The following TMPRSS11E variants were observed in gnomAD, a reference collection of about 807,000 sequenced individuals.
TMPRSS11E encodes the protein transmembrane serine protease 11E, also known as transmembrane protease serine 11E.
Under a neutral mutation model 48.1 loss-of-function variants are expected in TMPRSS11E, and 38 were observed. The ratio of observed to expected loss-of-function variants is 0.79; its 90% CI spans 0.61 to 1.04. The LOEUF (loss-of-function observed/expected upper bound fraction) is 1.04. Ranked by LOEUF, TMPRSS11E falls within the 50% of genes least tolerant of loss-of-function variation. TMPRSS11E has a pLI of 0.00. For synonymous variants in TMPRSS11E, 158 were observed against 171.9 expected (o/e 0.92, Z 0.63); for missense variants, 530 against 510.8 (o/e 1.04, Z -0.36).
intron 1 of TMPRSS11E, among the ~76,000 whole-genome samples, chr4:68,453,779 G>A (rs1288141951): frequency 6.6e-6 from 1 of 151,936 alleles, no homozygotes; most frequent in East Asian, 1.9e-4. Flanking sequence ...TCCGTTTAAT[G>A]TGAAACAATT....
intron 9 of TMPRSS11E, among the ~76,000 whole-genome samples, chr4:68,491,029 G>T (rs931305307): frequency 6.6e-6 from 1 of 151,816 alleles, no homozygotes; most frequent in Non-Finnish European, 1.5e-5. Context: ...AACGTGCTGG[G>T]ATTACGAGTG....
intron 1 of TMPRSS11E, among the ~76,000 whole-genome samples, chr4:68,448,876 G>T (rs1405832414): frequency 6.6e-6 from 1 of 151,712 alleles, no homozygotes; most frequent in Non-Finnish European, 1.5e-5. Flanking sequence ...GCATGTACTA[G>T]AGCAAAAAAG....
At chr4:68,451,051 G>A (rs537783622) in intron 1 of TMPRSS11E, among the ~76,000 whole-genome samples, 4 of 151,962 alleles carry the variant, frequency 2.6e-5, no homozygotes, top group East Asian at 1.9e-4. Context: ...TAGCAGTGTC[G>A]TGTGTTTCCG....
intron 6 of TMPRSS11E, among the ~76,000 whole-genome samples, chr4:68,475,504 T>A (rs1019305989): frequency 5.9e-5 from 9 of 152,202 alleles, no homozygotes; most frequent in African/African-American, 2.2e-4. Flanking sequence ...ATTACCTAAA[T>A]AGCATATATT....
chr4:68,455,650 A>G (rs1394377652), intron 1 of TMPRSS11E, among the ~76,000 whole-genome samples: 3 of 151,974 alleles, frequency 2.0e-5, no homozygotes, highest in Non-Finnish European at 2.9e-5. Context: ...GAGTGTCTCT[A>G]GCTCAGGTTT....
chr4:68,478,451 C>CTTTTTT (rs377068765), intron 8 of TMPRSS11E, among the ~76,000 whole-genome samples: 4,730 of 73,484 alleles, frequency 0.064, 388 homozygotes, highest in African/African-American at 0.088. Flanking sequence ...GTATCCCCCG[C>CTTTTTT]TTTTTTTTTT....
chr4:68,467,900 T>C (rs566850497), intron 3 of TMPRSS11E, among the ~76,000 whole-genome samples: 1 of 152,288 alleles, frequency 6.6e-6, no homozygotes, highest in South Asian at 2.1e-4. Flanking sequence ...TTCATTCAAA[T>C]AAATTTTATT....
chr4:68,456,347 C>T (rs1306726872), intron 1 of TMPRSS11E, among the ~76,000 whole-genome samples: 1 of 151,948 alleles, frequency 6.6e-6, no homozygotes, highest in East Asian at 1.9e-4. Context: ...TCAGCCCAAG[C>T]GCCTGGCTGA....
At chr4:68,488,050 C>G (rs188140036) in intron 9 of TMPRSS11E, among the ~76,000 whole-genome samples, 1 of 152,012 alleles carries the variant, frequency 6.6e-6, no homozygotes, top group Non-Finnish European at 1.5e-5. Flanking sequence ...GATATCACCC[C>G]CTTTGTATGT....
chr4:68,471,609 C>A lies in TMPRSS11E; in HGVS notation c.476C>A (p.Ser159Ter). ...AVGPPKVDPH[S>*]VKIKKINKTE... ...GGACCCCCTAAAGTAGATCCTCACT[C>A]AGTTAAAATTAAAAGTAAGTTAATT... The change falls in exon 5 of 10, where the codon TCA becomes TAA. Residue 159 changes from serine to a stop codon, truncating the protein, a stop_gained. Coordinates refer to ENST00000305363, the MANE Select transcript of TMPRSS11E (RefSeq NM_014058.4). LOFTEE classifies it high-confidence loss of function. 1 of 1,584,928 alleles carries A rather than the reference C, an allele frequency of 6.3e-7. No homozygotes were observed. The highest frequency in any genetic ancestry group is 2.3e-5 in the East Asian group (1 of 44,134).
intron 9 of TMPRSS11E, among the ~76,000 whole-genome samples, chr4:68,487,329 T>C (rs940476995): frequency 5.9e-5 from 9 of 152,032 alleles, no homozygotes; most frequent in East Asian, 1.9e-4. Flanking sequence ...CTGAGCTCAC[T>C]ACATCCTCTA....
At position 68,477,459 on chromosome 4, in the gene TMPRSS11E, T is replaced by C. The variant is rs773107677; in HGVS notation, c.798T>C (p.His266=). The part of the protein sequence containing the change: ...MKRGLRRIIV[H]EKYKHPSHDY... ...GGGGTCTCCGGAGAATAATTGTCCATGAAAAATACAAACACCCATCACATG... is the reference window on the plus strand; with the variant it reads ...GGGGTCTCCGGAGAATAATTGTCCACGAAAAATACAAACACCCATCACATG... Residue 266 remains histidine, a synonymous_variant, in exon 8 of 10, where the codon CAT becomes CAC. Coordinates refer to ENST00000305363, the MANE Select transcript of TMPRSS11E (RefSeq NM_014058.4). 6.2e-7 allele frequency: 1 copy of C among 1,614,052 alleles called. No homozygotes were observed. Among genetic ancestry groups the C allele is most frequent in the Non-Finnish European group, 8.5e-7 (1 of 1,179,970 alleles).
chr4:68,487,792 T>A (rs1020450665), intron 9 of TMPRSS11E, among the ~76,000 whole-genome samples: 2 of 151,770 alleles, frequency 1.3e-5, no homozygotes, highest in African/African-American at 4.8e-5. Context: ...AATACAAAAA[T>A]TAGCCAGGCA....
At chr4:68,463,200 TA>T (rs1728840763) in intron 2 of TMPRSS11E, among the ~76,000 whole-genome samples, 1 of 152,184 alleles carries the variant, frequency 6.6e-6, no homozygotes, top group Non-Finnish European at 1.5e-5. Context: ...CTGGATAGTT[TA>T]AAAAAATATT....
At chr4:68,456,343 C>T (rs1560546631) in intron 1 of TMPRSS11E, among the ~76,000 whole-genome samples, 1 of 151,958 alleles carries the variant, frequency 6.6e-6, no homozygotes, top group South Asian at 2.1e-4. Flanking sequence ...TGATTCAGCC[C>T]AAGCGCCTGG....
At position 68,457,695 on chromosome 4, in the gene TMPRSS11E, A is replaced by G. The variant is rs1728671812; in HGVS notation, c.12-4126A>G. On this transcript the variant is annotated intron_variant, in intron 1 of 9. Transcript: ENST00000305363. ...TTATACGTATCTCATTTCTTCTTCA[A>G]TGATAGACTGGATAAAGAAAACATG... Among the ~76,000 whole-genome samples, 6 of 152,102 alleles carry G rather than the reference A, an allele frequency of 3.9e-5. No individual in the cohort carries two copies. The South Asian group carries it at 1.2e-3, about 32-fold the overall frequency.
intron 1 of TMPRSS11E, among the ~76,000 whole-genome samples, chr4:68,452,435 T>A (rs1728522867): frequency 6.6e-6 from 1 of 151,990 alleles, no homozygotes; most frequent in African/African-American, 2.4e-5. Flanking sequence ...ACATATGTTT[T>A]CTCATTTGGT....
At chr4:68,474,630 A>G (rs949382650) in intron 5 of TMPRSS11E, 93 bp from the exon 6 acceptor site, 27 of 1,182,172 alleles carry the variant, frequency 2.3e-5, no homozygotes, top group Non-Finnish European at 2.8e-5. Flanking sequence ...CTGTTTTATA[A>G]TAAAATTAAG....
At chr4:68,465,986 A>G (rs1277161556) in intron 2 of TMPRSS11E, among the ~76,000 whole-genome samples, 1 of 152,146 alleles carries the variant, frequency 6.6e-6, no homozygotes, top group Admixed American at 6.6e-5. Context: ...GTGGCTAAGG[A>G]GCAGACAAGC....
Sources: gnomAD v4.1 joint callset for allele counts (sites outside exome capture counted in the v4.1 genomes callset) on GRCh38, gnomAD v4.1.1 for gene constraint, MANE v1.5 for transcripts, NCBI Gene and HGNC (gene_info 2026-07-23, HGNC 2026-07-21) for gene names.